The following BZW2 variants were observed in gnomAD, a reference collection of about 807,000 sequenced individuals.
The protein encoded by BZW2 is basic leucine zipper and W2 domains 2, also known as eIF5-mimic protein 1.
Under a neutral mutation model 53.2 loss-of-function variants are expected in BZW2, and 23 were observed. The observed-to-expected ratio is 0.43, with a 90% CI of 0.31 to 0.61. The LOEUF (loss-of-function observed/expected upper bound fraction) is 0.61, where lower values mean the gene tolerates loss of function less well. Among genes scored for constraint, BZW2 ranks in the 20% least tolerant of loss-of-function variants. The pLI, the probability that BZW2 is intolerant of heterozygous loss-of-function variation, is 0.09. For missense variants in BZW2, 409 were observed against 503.1 expected (o/e 0.81, Z 1.79); for synonymous variants, 227 against 186.4 (o/e 1.22, Z -1.77).
In BZW2 at chr7:16,667,837, C is replaced by A. The variant is rs1292652938; in HGVS notation, c.58+2336C>A. On this transcript the variant is annotated intron_variant, in intron 2 of 11. Coordinates refer to ENST00000258761, the MANE Select transcript of BZW2 (RefSeq NM_014038.3). ...AGAATAAGTACAAGTATAGCCTGAG[C>A]CACTTCTCTATTTAGTCCTCATCTT... Among the ~76,000 whole-genome samples, 3 of 152,152 alleles carry A rather than the reference C, an allele frequency of 2.0e-5. No individual in the cohort carries two copies. In the East Asian group the frequency reaches 5.8e-4, roughly 29 times the overall value.
At chr7:16,699,769 AT>A (rs1368948849) in intron 10 of BZW2, among the ~76,000 whole-genome samples, 2 of 152,178 alleles carry the variant, frequency 1.3e-5, no homozygotes, top group Admixed American at 1.3e-4. Flanking sequence ...CAGATTTCTC[AT>A]TTTAACCACT....
At chr7:16,687,351 A>T (rs778948711) in intron 6 of BZW2, 26 of 152,226 alleles carry the variant, frequency 1.7e-4, no homozygotes, top group Non-Finnish European at 3.2e-4. Flanking sequence ...TACCTCTGTT[A>T]TATGGCTTTT....
intron 1 of BZW2, among the ~76,000 whole-genome samples, chr7:16,646,622 C>G (rs1044312610): frequency 1.3e-5 from 2 of 152,128 alleles, no homozygotes; most frequent in Admixed American, 1.3e-4. Flanking sequence ...ATGCGGCTCC[C>G]GGGGAGGCTG....
chr7:16,686,703 A>G (rs553169498), intron 6 of BZW2: 4 of 152,386 alleles, frequency 2.6e-5, no homozygotes, highest in African/African-American at 9.6e-5. Flanking sequence ...TTTTGTGAGA[A>G]CATCTGTTTC....
intron 11 of BZW2, 122 bp downstream of exon 11, chr7:16,704,791 G>A (rs561048063): frequency 1.1e-5 from 12 of 1,060,622 alleles, no homozygotes; most frequent in South Asian, 3.5e-5. Context: ...GTTATCTTTC[G>A]TATCAAACAT....
At chr7:16,693,560 G>A (rs1391087525) in intron 7 of BZW2, among the ~76,000 whole-genome samples, 1 of 152,150 alleles carries the variant, frequency 6.6e-6, no homozygotes, top group East Asian at 1.9e-4. Flanking sequence ...ATTGGGTCAA[G>A]CTGCTTAACC....
Position 16,674,537 on chromosome 7 carries a change from C to A in BZW2, c.184C>A (p.Arg62Ser), listed in dbSNP as rs1253768868. 1.5e-5 allele frequency: 24 copies of A among 1,611,680 alleles called. No individual in the cohort carries two copies. Among genetic ancestry groups the A allele is most frequent in the Non-Finnish European group, 1.9e-5 (22 of 1,178,592 alleles). ...LDSTGSRLDY[R>S]RYADTLFDIL... ...CTCTACAGGCTCAAGATTAGATTAT[C>A]GTCGCTATGCAGACACACTCTTCGA... The change falls in exon 3 of 12, where the codon CGT (arginine) becomes AGT (serine). Residue 62 changes from arginine to serine, a missense_variant. Transcript: ENST00000258761.
chr7:16,660,847 G>A (rs930696888), intron 1 of BZW2, among the ~76,000 whole-genome samples: 11 of 152,026 alleles, frequency 7.2e-5, no homozygotes, highest in Non-Finnish European at 1.5e-4. Flanking sequence ...AGTTCACAAA[G>A]GACCTCCTGG....
Position 16,691,281 on chromosome 7 carries a change from G to A in BZW2, c.651+1375G>A, listed in dbSNP as rs80259753. ...CAGGATAGAAAAGTTGCCTGCCCTCGTGAAACCTACTTTCTAGTGGACTTA... is the reference window on the plus strand; with the variant it reads ...CAGGATAGAAAAGTTGCCTGCCCTCATGAAACCTACTTTCTAGTGGACTTA... On this transcript the variant is annotated intron_variant, in intron 7 of 11. Coordinates refer to ENST00000258761, the MANE Select transcript of BZW2 (RefSeq NM_014038.3). Among the ~76,000 whole-genome samples the A allele has an allele frequency of 8.3e-4, 127 of 152,272 alleles. 1 individual carries two copies. Among genetic ancestry groups the A allele is most frequent in the African/African-American group, 2.6e-3 (110 of 41,564 alleles).
chr7:16,691,021 C>T (rs952790785), intron 7 of BZW2, among the ~76,000 whole-genome samples: 2 of 152,316 alleles, frequency 1.3e-5, no homozygotes, highest in South Asian at 2.1e-4. Flanking sequence ...ATCTCTTTTC[C>T]TCAAGAACAC....
chr7:16,654,767 G>C (rs551818331), intron 1 of BZW2, among the ~76,000 whole-genome samples: 7 of 151,224 alleles, frequency 4.6e-5, no homozygotes, highest in African/African-American at 1.7e-4. Flanking sequence ...TCAAACTCCT[G>C]ACCTCAGGTG....
intron 6 of BZW2, among the ~76,000 whole-genome samples, chr7:16,689,501 C>A (rs575192476): frequency 1.3e-5 from 2 of 152,266 alleles, no homozygotes; most frequent in South Asian, 2.1e-4. Flanking sequence ...ACCAAAGATA[C>A]TGGGTGTGAA....
intron 1 of BZW2, among the ~76,000 whole-genome samples, chr7:16,652,254 T>TA (rs1053224114): frequency 5.9e-5 from 9 of 152,040 alleles, no homozygotes; most frequent in Non-Finnish European, 1.3e-4. Context: ...AGTTACAAAG[T>TA]AAAAAAACAC....
chr7:16,646,259 C>G lies in BZW2; in HGVS notation c.-37C>G. ...TGCACGAATCGCCGCAGCCCCCAGCCTTGCGCGTCGTCGCTACCTCCTCGG... is the reference window on the plus strand; with the variant it reads ...TGCACGAATCGCCGCAGCCCCCAGCGTTGCGCGTCGTCGCTACCTCCTCGG... On this transcript the variant is annotated 5_prime_UTR_variant, in exon 1 of 12. Transcript: ENST00000258761. 1 of 291,046 alleles carries G rather than the reference C, an allele frequency of 3.4e-6. No individual in the cohort carries two copies. Among genetic ancestry groups the G allele is most frequent in the Non-Finnish European group, 6.9e-6 (1 of 143,930 alleles). The allele number at this position is 291,046 out of a possible 1,614,324, so 18.0% of individuals were successfully genotyped here.
chr7:16,692,921 C>T (rs1036252712), intron 7 of BZW2, among the ~76,000 whole-genome samples: 32 of 152,082 alleles, frequency 2.1e-4, no homozygotes, highest in Admixed American at 6.6e-5. Flanking sequence ...CCACATAGAG[C>T]ATTCCAGGCA....
chr7:16,652,712 A>G (rs1311603883), intron 1 of BZW2, among the ~76,000 whole-genome samples: 2 of 151,998 alleles, frequency 1.3e-5, no homozygotes, highest in Non-Finnish European at 2.9e-5. Context: ...TTTAGTACAG[A>G]CGGGGTTTCA....
chr7:16,677,038 G>A (rs1782785836), intron 3 of BZW2, among the ~76,000 whole-genome samples: 1 of 148,178 alleles, frequency 6.7e-6, no homozygotes, highest in African/African-American at 2.5e-5. Context: ...ATTTATCTCT[G>A]TAGCCCAGAT....
chr7:16,674,206 A>G (rs951083128), intron 2 of BZW2, among the ~76,000 whole-genome samples: 35 of 152,102 alleles, frequency 2.3e-4, no homozygotes, highest in Admixed American at 7.2e-4. Flanking sequence ...GGCCTACAGT[A>G]ACTTATTTTA....
chr7:16,698,546 G>A (rs1783574732), intron 10 of BZW2, among the ~76,000 whole-genome samples: 1 of 152,150 alleles, frequency 6.6e-6, no homozygotes, highest in South Asian at 2.1e-4. Flanking sequence ...TATATATTAT[G>A]TTCAGACTCT....
Sources: allele counts gnomAD v4.1 joint callset (sites outside exome capture counted in the v4.1 genomes callset), GRCh38; gene constraint gnomAD v4.1.1; transcripts MANE v1.5; gene names NCBI Gene and HGNC (gene_info 2026-07-23, HGNC 2026-07-21).